Variants in RAB7A observed in about 807,000 individuals in gnomAD.
The protein encoded by RAB7A is ras-related protein Rab-7a.
RAB7A carries 2 observed loss-of-function variants against 24.5 expected under a neutral mutation model. The ratio of observed to expected loss-of-function variants is 0.08; its 90% CI spans 0.03 to 0.26. The LOEUF (loss-of-function observed/expected upper bound fraction) is 0.26, where lower values mean the gene tolerates loss of function less well. Ranked by LOEUF, RAB7A falls within the 10% of genes least tolerant of loss-of-function variation. The probability of loss-of-function intolerance (pLI) is 1.00; values close to 1 mark genes in which losing one functional copy is unlikely to be tolerated. For synonymous variants in RAB7A, 100 were observed against 95.9 expected, an observed-to-expected ratio of 1.04 and a Z score of -0.25; for missense variants, 118 against 255.7, an observed-to-expected ratio of 0.46 and a Z score of 3.67.
rs139277062 is a variant in RAB7A, at chr3:128,727,210, A to G, written c.-9+851A>G. ...ATCATTATGTTTAGTTCTTTGAACA[A>G]CCCTCTGAAGTACCACTGTTGTGCC... On this transcript the variant is annotated intron_variant, in intron 1 of 5. Coordinates refer to ENST00000265062, the MANE Select transcript of RAB7A (RefSeq NM_004637.6). Among the ~76,000 whole-genome samples, 468 of 152,288 alleles carry G rather than the reference A, an allele frequency of 3.1e-3. 1 individual carries two copies. Among genetic ancestry groups the G allele is most frequent in the African/African-American group, 0.01 (436 of 41,552 alleles).
chr3:128,810,918 G>A (rs530837373), intron 5 of RAB7A, among the ~76,000 whole-genome samples: 1 of 152,264 alleles, frequency 6.6e-6, no homozygotes, highest in East Asian at 1.9e-4. Context: ...AGCTGGCGTG[G>A]TGGTGGGCAC....
intron 1 of RAB7A, chr3:128,764,494 G>A: frequency 1.3e-6 from 1 of 788,770 alleles, no homozygotes; most frequent in South Asian, 1.3e-5. Context: ...GTCTCCCAGG[G>A]TGTTCTTGTT....
intron 1 of RAB7A, among the ~76,000 whole-genome samples, chr3:128,732,462 A>C (rs1245233965): frequency 6.6e-6 from 1 of 152,028 alleles, no homozygotes; most frequent in Non-Finnish European, 1.5e-5. Context: ...ACCCCGAGGA[A>C]GACCAAAGTG....
chr3:128,756,621 CAAT>C (rs1230579715), intron 1 of RAB7A, among the ~76,000 whole-genome samples: 3 of 152,108 alleles, frequency 2.0e-5, no homozygotes, highest in Non-Finnish European at 1.5e-5. Flanking sequence ...ACTAAAATCT[CAAT>C]GATGGTTTTG....
intron 1 of RAB7A, among the ~76,000 whole-genome samples, chr3:128,776,945 T>TACACACACACAC (rs71153145): frequency 1.5e-3 from 218 of 142,448 alleles, no homozygotes; most frequent in Non-Finnish European, 2.4e-3. Context: ...TTAGTTGAGC[T>TACACACACACAC]ACACACACAC....
intron 1 of RAB7A, among the ~76,000 whole-genome samples, chr3:128,740,015 G>A (rs933853549): frequency 6.6e-6 from 1 of 152,146 alleles, no homozygotes; most frequent in Non-Finnish European, 1.5e-5. Flanking sequence ...GCAGTGAGCC[G>A]AGATTGTGCC....
intron 1 of RAB7A, among the ~76,000 whole-genome samples, chr3:128,777,191 T>A (rs1933115074): frequency 6.6e-6 from 1 of 152,142 alleles, no homozygotes; most frequent in Non-Finnish European, 1.5e-5. Context: ...TGTTTCTCAG[T>A]ATGATTCTTT....
intron 5 of RAB7A, among the ~76,000 whole-genome samples, chr3:128,807,885 G>C (rs973985738): frequency 1.3e-5 from 2 of 152,216 alleles, no homozygotes; most frequent in African/African-American, 2.4e-5. Context: ...TGCAGAGGCT[G>C]TGAAGTCTGA....
At chr3:128,739,226 C>T (rs373945704) in intron 1 of RAB7A, among the ~76,000 whole-genome samples, 52 of 152,114 alleles carry the variant, frequency 3.4e-4, no homozygotes, top group East Asian at 2.1e-3. Context: ...AGTCTTAAAG[C>T]GGGCCGGGAG....
intron 1 of RAB7A, among the ~76,000 whole-genome samples, chr3:128,771,956 A>C (rs1053303668): frequency 2.6e-5 from 4 of 152,216 alleles, no homozygotes; most frequent in Non-Finnish European, 4.4e-5. Context: ...AGATGATCCA[A>C]ATACCCTCAA....
chr3:128,781,911 G>T (rs1933229994), intron 1 of RAB7A, among the ~76,000 whole-genome samples: 1 of 152,172 alleles, frequency 6.6e-6, no homozygotes, highest in Admixed American at 6.5e-5. Flanking sequence ...TCCTCAGGTG[G>T]CTGAGACAGG....
intron 1 of RAB7A, among the ~76,000 whole-genome samples, chr3:128,739,938 T>C (rs1362643038): frequency 6.6e-6 from 1 of 151,950 alleles, no homozygotes; most frequent in African/African-American, 2.4e-5. Flanking sequence ...TGGTGGCACA[T>C]GCCTGTAATC....
rs190123162 is a variant in RAB7A, at chr3:128,737,585, A to T, written c.-9+11226A>T. ...GGTCTCGAACTCCTGAGCTCCAGCA[A>T]TCTGCTTGCCTCAGCCTCCCAAGGT... On this transcript the variant is annotated intron_variant, in intron 1 of 5. Transcript: ENST00000265062. Among the ~76,000 whole-genome samples the T allele has an allele frequency of 4.0e-3, 605 of 151,262 alleles. 1 individual carries two copies. Among genetic ancestry groups the T allele is most frequent in the South Asian group, 0.018 (85 of 4,780 alleles).
chr3:128,775,974 A>G (rs1345570852), intron 1 of RAB7A, among the ~76,000 whole-genome samples: 1 of 152,138 alleles, frequency 6.6e-6, no homozygotes, highest in Non-Finnish European at 1.5e-5. Context: ...AGTCACCATG[A>G]TGTACAACAG....
chr3:128,765,049 C>T, intron 1 of RAB7A: 2 of 1,235,234 alleles, frequency 1.6e-6, no homozygotes, highest in Non-Finnish European at 2.3e-6. Context: ...GCGGCGGTGG[C>T]TGCGCGGCGC....
chr3:128,762,994 A>G lies in RAB7A; in HGVS notation c.-8-32366A>G, dbSNP rs146675812. 4.0e-5 allele frequency among the ~76,000 whole-genome samples: 6 copies of G among 150,982 alleles called. No homozygotes were observed. The East Asian group carries it at 1.2e-3, about 29-fold the overall frequency. ...ACCTGTAAATGCTCTCAAGTCCTTTAATCTAGAATGTGGTCCCTCCTTCCC... is the reference window on the plus strand; with the variant it reads ...ACCTGTAAATGCTCTCAAGTCCTTTGATCTAGAATGTGGTCCCTCCTTCCC... On this transcript the variant is annotated intron_variant, in intron 1 of 5. Coordinates refer to ENST00000265062, the MANE Select transcript of RAB7A (RefSeq NM_004637.6).
intron 1 of RAB7A, among the ~76,000 whole-genome samples, chr3:128,769,116 A>G (rs1015209546): frequency 3.4e-4 from 49 of 142,700 alleles, no homozygotes; most frequent in African/African-American, 1.3e-3. Context: ...ATTTCTTCAA[A>G]CTCCTGGGCT....
chr3:128,743,292 G>A (rs1323446027), intron 1 of RAB7A, among the ~76,000 whole-genome samples: 3 of 152,154 alleles, frequency 2.0e-5, no homozygotes, highest in Admixed American at 6.5e-5. Flanking sequence ...CCAGTTTCCC[G>A]CCCATGCCTC....
chr3:128,744,282 C>T (rs2070586116), intron 1 of RAB7A, among the ~76,000 whole-genome samples: 1 of 151,986 alleles, frequency 6.6e-6, no homozygotes, highest in Non-Finnish European at 1.5e-5. Context: ...AGGAACTATA[C>T]AGAAATTCTG....
Sources: allele counts gnomAD v4.1 joint callset (sites outside exome capture counted in the v4.1 genomes callset), GRCh38; gene constraint gnomAD v4.1.1; transcripts MANE v1.5; gene names NCBI Gene and HGNC (gene_info 2026-07-23, HGNC 2026-07-21).